The following SMC2 variants were observed in gnomAD, a reference collection of about 807,000 sequenced individuals.
The protein encoded by SMC2 is structural maintenance of chromosomes protein 2.
Under a neutral mutation model 142.6 loss-of-function variants are expected in SMC2, and 41 were observed. That is an observed-to-expected ratio of 0.29 (90% confidence interval 0.22 to 0.37). The LOEUF (loss-of-function observed/expected upper bound fraction) is 0.37. SMC2 is among the 10% of genes least tolerant of loss of function. SMC2 has a pLI of 1.00. For missense variants in SMC2, 1,265 were observed against 1,373.7 expected (o/e 0.92, Z 1.25); for synonymous variants, 463 against 457.5 (o/e 1.01, Z -0.15).
chr9:104,122,078 T>C (rs951151992), intron 16 of SMC2, among the ~76,000 whole-genome samples: 4 of 152,194 alleles, frequency 2.6e-5, no homozygotes, highest in African/African-American at 7.2e-5. Context: ...ATAGAGTAAA[T>C]GAATTTTTTT....
At chr9:104,123,313 C>T in intron 17 of SMC2, 81 bp downstream of exon 17, 11 of 1,398,754 alleles carry the variant, frequency 7.9e-6, no homozygotes, top group Non-Finnish European at 1.1e-5. Context: ...TCTACCTGTG[C>T]TATGTTTAAG....
intron 20 of SMC2, among the ~76,000 whole-genome samples, chr9:104,129,050 A>G (rs1415913625): frequency 6.6e-6 from 1 of 152,156 alleles, no homozygotes; most frequent in African/African-American, 2.4e-5. Flanking sequence ...ATTCTAATGG[A>G]GGTGCTTTGC....
chr9:104,124,358 T>C (rs1428672553), intron 17 of SMC2, among the ~76,000 whole-genome samples: 2 of 152,188 alleles, frequency 1.3e-5, no homozygotes, highest in Non-Finnish European at 2.9e-5. Flanking sequence ...GTGCTGGGAT[T>C]ACACAGGCAT....
chr9:104,127,261 ATTTTC>A lies in SMC2; in HGVS notation c.2596-21_2596-17del, dbSNP rs770398393. 7 of 1,516,844 alleles carry A rather than the reference ATTTTC, an allele frequency of 4.6e-6. No homozygotes were observed. The highest frequency in any genetic ancestry group is 6.2e-6 in the Non-Finnish European group (7 of 1,127,500). The allele number at this position is 1,516,844 out of a possible 1,614,324, so 94.0% of individuals were successfully genotyped here. A position where few individuals can be genotyped will look rare whatever the true frequency, so the allele number is the denominator to read the frequency against. On this transcript the variant is annotated intron_variant, in intron 19 of 24. Coordinates refer to ENST00000374793, the MANE Select transcript of SMC2 (RefSeq NM_006444.3). ...TTATTTACATGTTACCTCACCACAT[ATTTTC>A]TTTAATTTTTTTGTTTTAGGAGTCA...
At chr9:104,135,130 T>C (rs1446104979) in intron 23 of SMC2, among the ~76,000 whole-genome samples, 1 of 152,010 alleles carries the variant, frequency 6.6e-6, no homozygotes, top group Non-Finnish European at 1.5e-5. Context: ...ATTGAGATAC[T>C]AAACAATATA....
chr9:104,104,054 C>G (rs1346182928), intron 9 of SMC2, among the ~76,000 whole-genome samples: 1 of 152,028 alleles, frequency 6.6e-6, no homozygotes, highest in African/African-American at 2.4e-5. Flanking sequence ...TTTTCTGTAT[C>G]CCCTTATTCT....
chr9:104,100,256 G>T (rs1830953341), intron 6 of SMC2, 53 bp downstream of exon 6: 2 of 1,429,906 alleles, frequency 1.4e-6, no homozygotes, highest in Non-Finnish European at 9.5e-7. Context: ...TTTGCATGTA[G>T]AGTTTTTGCT....
At chr9:104,126,860 T>G in intron 19 of SMC2, 76 bp downstream of exon 19, 1 of 1,362,036 alleles carries the variant, frequency 7.3e-7, no homozygotes, top group Non-Finnish European at 1.0e-6. Flanking sequence ...GATGTTTGAC[T>G]TTAGTGTTCT....
In SMC2 at chr9:104,095,456, C is replaced by T. The variant is rs147385187; in HGVS notation, c.72C>T (p.Asp24=). ...YAQRTEVNGF[D]PLFNAITGLN... ...AGAGGACCGAAGTCAATGGTTTTGACCCCCTCTTCAATGCTATCACTGGCT... is the reference window on the plus strand; with the variant it reads ...AGAGGACCGAAGTCAATGGTTTTGATCCCCTCTTCAATGCTATCACTGGCT... The change falls in exon 2 of 25, where the codon GAC becomes GAT. Residue 24 remains aspartate (D), a synonymous_variant. Transcript: ENST00000374793. The T allele has an allele frequency of 5.2e-4, 844 of 1,613,578 alleles. 3 individuals carry two copies. Among genetic ancestry groups the T allele is most frequent in the South Asian group, 1.0e-3 (94 of 91,072 alleles).
intron 13 of SMC2, among the ~76,000 whole-genome samples, chr9:104,115,094 G>T (rs1486418365): frequency 1.3e-5 from 2 of 151,938 alleles, no homozygotes; most frequent in African/African-American, 4.8e-5. Flanking sequence ...AAAATAATCT[G>T]GGAATAAATG....
At chr9:104,132,173 T>C (rs1835050483) in intron 22 of SMC2, 48 bp downstream of exon 22, 1 of 963,064 alleles carries the variant, frequency 1.0e-6, no homozygotes, top group African/African-American at 1.6e-5. Context: ...TGAAAAAATA[T>C]CATCAGTGGA....
rs150644738 is a variant in SMC2 at position 104,116,168 on chromosome 9, A to G, written c.1672-32A>G. On this transcript the variant is annotated intron_variant, in intron 13 of 24. Transcript: ENST00000374793. The stretch of plus-strand genomic sequence containing the variant: ...CTCTCAATTTTCTGTCATTTTTAAC[A>G]TGCGTTTTTTAAATTCAAATGTGTG... The G allele has an allele frequency of 4.8e-4, 747 of 1,551,878 alleles. 4 individuals carry two copies. The African/African-American group carries it at 9.1e-3, about 19-fold the overall frequency.
chr9:104,114,765 C>T lies in SMC2; in HGVS notation c.1607C>T (p.Ser536Phe), dbSNP rs370728212. ...VASLISVKDT[S>F]ATTALELVAG... Reference sequence around the variant, plus strand: ...TCTCTGATTAGTGTGAAAGACACTTCTGCAACCACAGCTTTAGAATTAGTG... The same window carrying T: ...TCTCTGATTAGTGTGAAAGACACTTTTGCAACCACAGCTTTAGAATTAGTG... Residue 536 changes from serine to phenylalanine, a missense_variant, in exon 13 of 25, where the codon TCT becomes TTT. Coordinates refer to ENST00000374793, the MANE Select transcript of SMC2 (RefSeq NM_006444.3). 9 of 1,612,742 alleles carry T rather than the reference C, an allele frequency of 5.6e-6. No homozygotes were observed. The highest frequency in any genetic ancestry group is 7.6e-6 in the Non-Finnish European group (9 of 1,179,060).
At position 104,101,558 on chromosome 9, in the gene SMC2, A is replaced by G. The variant is rs572227735; in HGVS notation, c.637-402A>G. ...CTTTGTCTGGTCCCAGTAGGTCCTT[A>G]TGGGAGTCGTGTTTAGTAATGATGT... On this transcript the variant is annotated intron_variant, in intron 7 of 24. Coordinates refer to ENST00000374793, the MANE Select transcript of SMC2 (RefSeq NM_006444.3). 9.2e-5 allele frequency among the ~76,000 whole-genome samples: 14 copies of G among 152,280 alleles called. No homozygotes were observed. The South Asian group carries it at 2.9e-3, about 32-fold the overall frequency.
intron 9 of SMC2, among the ~76,000 whole-genome samples, chr9:104,103,662 T>G (rs1280825707): frequency 6.6e-6 from 1 of 152,194 alleles, no homozygotes; most frequent in Non-Finnish European, 1.5e-5. Flanking sequence ...GTAGGTGTGT[T>G]TTTGGAGCTT....
In SMC2 at chr9:104,120,070, A is replaced by C; in HGVS notation, c.2040A>C (p.Glu680Asp). The C allele has an allele frequency of 6.2e-7, 1 of 1,613,994 alleles. No individual in the cohort carries two copies. The highest frequency in any genetic ancestry group is 8.5e-7 in the Non-Finnish European group (1 of 1,179,932). ...CTTCCATTTTAACCAAGTTTCAAGA[A>C]CTCAAAGATGTTCAGGATGAACTGA... ...QAASILTKFQ[E>D]LKDVQDELRI... The change falls in exon 16 of 25, where the codon GAA becomes GAC. Residue 680 changes from glutamate (E) to aspartate (D), a missense_variant. Around this residue, in one of 4 missense-constraint regions of SMC2, gnomAD observed 898 missense variants for 904.2 expected, o/e 0.99. Coordinates refer to ENST00000374793, the MANE Select transcript of SMC2 (RefSeq NM_006444.3).
chr9:104,110,048 T>C (rs1286651720), intron 9 of SMC2, among the ~76,000 whole-genome samples: 1 of 152,214 alleles, frequency 6.6e-6, no homozygotes, highest in East Asian at 1.9e-4. Context: ...GTGACATTAA[T>C]CATTTACTTC....
In SMC2 at chr9:104,130,185, G is replaced by A. The variant is rs558041205; in HGVS notation, c.2991+340G>A. ...CATCCTCTTGACTCTACTGTATACT[G>A]AAACTATATAAGTAATGACTAAAGC... On this transcript the variant is annotated intron_variant, in intron 21 of 24. Transcript: ENST00000374793. Among the ~76,000 whole-genome samples, 99 of 152,196 alleles carry A rather than the reference G, an allele frequency of 6.5e-4. 1 individual carries two copies. The Middle Eastern group carries it at 0.01, about 16-fold the overall frequency.
rs1832799294 is a variant in SMC2 at position 104,114,023 on chromosome 9, T to C, written c.1474T>C (p.Leu492=). ...RRQLSRDIGR[L]KETYEALLAR... is the part of the protein sequence containing the mutation. ...GCAGCTGTCTCGTGATATTGGTAGATTGAAAGAAACATATGAAGCTCTATT... is the reference window on the plus strand; with the variant it reads ...GCAGCTGTCTCGTGATATTGGTAGACTGAAAGAAACATATGAAGCTCTATT... The change falls in exon 12 of 25, where the codon TTG becomes CTG. Residue 492 remains leucine (L), a synonymous_variant. Transcript: ENST00000374793. 1.2e-6 allele frequency: 2 copies of C among 1,602,608 alleles called. No individual in the cohort carries two copies. The highest frequency in any genetic ancestry group is 1.3e-5 in the African/African-American group (1 of 74,308).
Sources: allele counts gnomAD v4.1 joint callset (sites outside exome capture counted in the v4.1 genomes callset), GRCh38; gene constraint gnomAD v4.1.1; regional missense constraint gnomAD v4.1.1; transcripts MANE v1.5; gene names NCBI Gene and HGNC (gene_info 2026-07-23, HGNC 2026-07-21).